The following CCNF variants were observed in gnomAD, a reference collection of about 807,000 sequenced individuals.
The protein encoded by CCNF is cyclin F, also known as cyclin-F.
A neutral mutation model predicts 85.4 loss-of-function variants in CCNF; 30 were observed. The observed-to-expected ratio is 0.35, with a 90% confidence interval of 0.26 to 0.48. CCNF has a LOEUF of 0.48. Ranked by LOEUF, CCNF falls within the 20% of genes least tolerant of loss-of-function variation. The pLI is 0.99. For synonymous variants in CCNF, 439 were observed against 425.1 expected (o/e 1.03, Z -0.40); for missense variants, 919 against 1,010.4 (o/e 0.91, Z 1.23).
chr16:2,437,596 GAC>G, intron 5 of CCNF: 2 of 412,578 alleles, frequency 4.8e-6, no homozygotes, highest in South Asian at 8.2e-5. Context: ...GGGAGCTCAA[GAC>G]ACAAATCTGG....
rs1406361014 is a variant in CCNF, at chr16:2,438,058, CT to C, written c.541-5del. ...GTGCTGGAAATCACACTTCTTTCTC[CT>C]TTTTTTAAAGACTCACAAAGCATCC... On this transcript the variant is annotated splice_polypyrimidine_tract_variant and intron_variant, in intron 5 of 16. Coordinates refer to ENST00000397066, the MANE Select transcript of CCNF (RefSeq NM_001761.3). The C allele has an allele frequency of 8.7e-6, 14 of 1,602,828 alleles. No individual in the cohort carries two copies. The highest frequency in any genetic ancestry group is 6.6e-5 in the South Asian group (6 of 90,864).
Position 2,458,468 on chromosome 16 carries a change from TCGAA to T in CCNF, c.*1450_*1453del, listed in dbSNP as rs2141835367. On this transcript the variant is annotated 3_prime_UTR_variant, in exon 17 of 17. Transcript: ENST00000397066. ...TTTCACCATGTTGGCCAGGCTAGTCTCGAACTCATGACCTCAAGTGATCCGCCCA... is the reference window on the plus strand; with the variant it reads ...TTTCACCATGTTGGCCAGGCTAGTCTCTCATGACCTCAAGTGATCCGCCCA... The T allele has an allele frequency of 6.6e-6, 1 of 152,268 alleles. No homozygotes were observed. Among genetic ancestry groups the T allele is most frequent in the South Asian group, 2.1e-4 (1 of 4,826 alleles). 9.4% of individuals were successfully genotyped at this position (152,268 alleles called of 1,614,324 possible). A position where few individuals can be genotyped will look rare whatever the true frequency, so the allele number is the denominator to read the frequency against.
rs1273802229 is a variant in CCNF, at chr16:2,431,280, G to C, written c.167G>C (p.Arg56Pro). The change falls in exon 2 of 17, where the codon CGA becomes CCA. Residue 56 changes from arginine to proline, a missense_variant. This residue lies in a region of CCNF where 410 missense variants were observed against 478.6 expected (regional missense o/e 0.86). Coordinates refer to ENST00000397066, the MANE Select transcript of CCNF (RefSeq NM_001761.3). ...TCTGTAGAGGACATCCTGGCCGTCC[G>C]AGCTGTAAGTCCCTGCATGAAAACA... ...WLSVEDILAV[R>P]AVHSQLKDLV... 2 of 1,613,976 alleles carry C rather than the reference G, an allele frequency of 1.2e-6. No individual in the cohort carries two copies. Among genetic ancestry groups the C allele is most frequent in the Non-Finnish European group, 1.7e-6 (2 of 1,179,964 alleles).
Position 2,433,047 on chromosome 16 carries a change from G to A in CCNF, c.258G>A (p.Gly86=), listed in dbSNP as rs2141813923. ...ASFQELWPSP[G]NLKLFERAAE... ...TCCAGGAGCTGTGGCCGTCTCCAGG[G>A]AACCTGAAGCTCTTTGAAAGGTATC... Residue 86 remains glycine, a synonymous_variant, in exon 3 of 17, where the codon GGG becomes GGA. Transcript: ENST00000397066. 1 of 1,609,650 alleles carries A rather than the reference G, an allele frequency of 6.2e-7. No homozygotes were observed. Among genetic ancestry groups the A allele is most frequent in the Non-Finnish European group, 8.5e-7 (1 of 1,176,648 alleles).
intron 8 of CCNF, among the ~76,000 whole-genome samples, chr16:2,442,957 A>G (rs1481675741): frequency 2.0e-5 from 2 of 100,206 alleles, no homozygotes; most frequent in Non-Finnish European, 1.8e-5. Context: ...TATATTATAT[A>G]TTTTTATATA....
chr16:2,430,502 G>A (rs1389668878), intron 1 of CCNF, among the ~76,000 whole-genome samples: 3 of 152,084 alleles, frequency 2.0e-5, no homozygotes, highest in Admixed American at 6.5e-5. Flanking sequence ...TACAGGTCTA[G>A]GTTTGTGTTG....
In CCNF at chr16:2,458,230, T is replaced by G. The variant is rs2065441557; in HGVS notation, c.*1210T>G. The G allele has an allele frequency of 6.6e-6, 1 of 150,980 alleles. No individual in the cohort carries two copies. The highest frequency in any genetic ancestry group is 6.6e-5 in the Admixed American group (1 of 15,142). The allele number at this position is 150,980 out of a possible 1,614,324, so 9.4% of individuals were successfully genotyped here. On this transcript the variant is annotated 3_prime_UTR_variant, in exon 17 of 17. Transcript: ENST00000397066. The stretch of plus-strand genomic sequence containing the variant: ...TCTGCAAATGTAAGAAAGAACCACT[T>G]GGCCAGAAGTGTCCCCCAGATGCTT...
intron 8 of CCNF, among the ~76,000 whole-genome samples, chr16:2,443,142 A>G (rs1393302279): frequency 1.5e-5 from 2 of 132,926 alleles, no homozygotes; most frequent in Admixed American, 9.1e-5. Context: ...TATGTTTTAT[A>G]TTGTATATAA....
At position 2,450,645 on chromosome 16, in the gene CCNF, G is replaced by C. The variant is rs576262298; in HGVS notation, c.1487+730G>C. ...AATGAGGGCATCTCCCTGACCCGTGGTAACTTGTGCGTGTTGTCAAGTTGT... is the reference window on the plus strand; with the variant it reads ...AATGAGGGCATCTCCCTGACCCGTGCTAACTTGTGCGTGTTGTCAAGTTGT... On this transcript the variant is annotated intron_variant, in intron 13 of 16. Coordinates refer to ENST00000397066, the MANE Select transcript of CCNF (RefSeq NM_001761.3). 1.1e-4 allele frequency among the ~76,000 whole-genome samples: 16 copies of C among 152,334 alleles called. 1 individual carries two copies. The South Asian group carries it at 3.3e-3, about 32-fold the overall frequency.
rs921598425 is a variant in CCNF at position 2,458,315 on chromosome 16, A to C, written c.*1295A>C. 6.9e-6 allele frequency: 1 copy of C among 144,710 alleles called. No individual in the cohort carries two copies. Among genetic ancestry groups the C allele is most frequent in the Non-Finnish European group, 1.5e-5 (1 of 67,306 alleles). The allele number at this position is 144,710 out of a possible 1,614,324, so 9.0% of individuals were successfully genotyped here. Reference sequence around the variant, plus strand: ...GTCTCCCCGGCTGGAGTGCAGTGGCATGATCTCAACTCTCAACTCACTGTA... The same window carrying C: ...GTCTCCCCGGCTGGAGTGCAGTGGCCTGATCTCAACTCTCAACTCACTGTA... On this transcript the variant is annotated 3_prime_UTR_variant, in exon 17 of 17. Transcript: ENST00000397066.
intron 10 of CCNF, among the ~76,000 whole-genome samples, chr16:2,447,191 A>G (rs2065366658): frequency 6.6e-6 from 1 of 152,088 alleles, no homozygotes; most frequent in East Asian, 1.9e-4. Context: ...GCTGAGTCCA[A>G]TTTCTTCCCC....
At position 2,449,426 on chromosome 16, in the gene CCNF, G is replaced by A. The variant is rs753790591; in HGVS notation, c.1363G>A (p.Ala455Thr). 7 of 1,609,020 alleles carry A rather than the reference G, an allele frequency of 4.4e-6. No homozygotes were observed. In the Admixed American group the frequency reaches 6.7e-5, roughly 15 times the overall value. The change falls in exon 12 of 17, where the codon GCA becomes ACA. Residue 455 changes from alanine (A) to threonine (T), a missense_variant. Coordinates refer to ENST00000397066, the MANE Select transcript of CCNF (RefSeq NM_001761.3). Reference protein sequence around the residue: ...SAYAPARLAAAALLLARLTHG... With the variant: ...SAYAPARLAATALLLARLTHG... ...CTACGCCCCAGCCCGCCTGGCTGCC[G>A]CAGCCCTGCTCCTGGCCAGACTGAC...
chr16:2,445,638 G>A lies in CCNF; in HGVS notation c.1094+16G>A. ...TCTGCACCCGGTGAGAAGCCCCCTT[G>A]GCCCAGCTGGCAGGGACGTGCTGGC... On this transcript the variant is annotated intron_variant, in intron 10 of 16. Coordinates refer to ENST00000397066, the MANE Select transcript of CCNF (RefSeq NM_001761.3). 6.2e-7 allele frequency: 1 copy of A among 1,607,836 alleles called. No individual in the cohort carries two copies. Among genetic ancestry groups the A allele is most frequent in the South Asian group, 1.1e-5 (1 of 90,888 alleles).
rs762508687 is a variant in CCNF, at chr16:2,449,798, C to CCTCCATCCT, written c.1400-25_1400-24insTCCTCTCCA. 237 of 1,422,020 alleles carry CCTCCATCCT rather than the reference C, an allele frequency of 1.7e-4. 3 individuals are homozygous for CCTCCATCCT. Among genetic ancestry groups the CCTCCATCCT allele is most frequent in the South Asian group, 6.3e-4 (55 of 86,994 alleles). The allele number at this position is 1,422,020 out of a possible 1,614,324, so 88.1% of individuals were successfully genotyped here. On this transcript the variant is annotated intron_variant, in intron 12 of 16. Coordinates refer to ENST00000397066, the MANE Select transcript of CCNF (RefSeq NM_001761.3). ...TCCATCCCCTCCGTCCCCTCCATCC[C>CCTCCATCCT]CTCCACCCCTGGCCTGCTTTCCTCC...
chr16:2,435,422 A>AT (rs919033833), intron 3 of CCNF, among the ~76,000 whole-genome samples: 1 of 59,428 alleles, frequency 1.7e-5, no homozygotes, highest in Non-Finnish European at 2.8e-5. Flanking sequence ...AGAAAAGAAA[A>AT]TATTTTTTTT....
chr16:2,441,937 T>TTATATATATATATA (rs55737759), intron 8 of CCNF, among the ~76,000 whole-genome samples: 20 of 60,142 alleles, frequency 3.3e-4, no homozygotes, highest in East Asian at 9.2e-4. Flanking sequence ...TATTAGCAAA[T>TTATATATATATATA]TATATATATA....
Position 2,451,556 on chromosome 16 carries a change from G to C in CCNF, c.1487+1641G>C, listed in dbSNP as rs992853553. Among the ~76,000 whole-genome samples, 1 of 152,154 alleles carries C rather than the reference G, an allele frequency of 6.6e-6. No individual in the cohort carries two copies. The highest frequency in any genetic ancestry group is 2.1e-4 in the South Asian group (1 of 4,822). On this transcript the variant is annotated intron_variant, in intron 13 of 16. Coordinates refer to ENST00000397066, the MANE Select transcript of CCNF (RefSeq NM_001761.3). The surrounding 1 kb of genome is among the most constrained non-coding windows in gnomAD (Gnocchi z 4.3). ...CTCAGCCAAATCCAGCAGACTCAGC[G>C]GTGTGGGCTTTTTTTTCCTTTTTTG...
chr16:2,432,888 C>G, intron 2 of CCNF, 73 bp from the exon 3 acceptor site: 1 of 868,522 alleles, frequency 1.2e-6, no homozygotes, highest in Non-Finnish European at 1.9e-6. Context: ...GCCTCTCGTC[C>G]TCAAGAGCCT....
At chr16:2,438,414 G>A (rs556264911) in intron 6 of CCNF, among the ~76,000 whole-genome samples, 2 of 152,266 alleles carry the variant, frequency 1.3e-5, no homozygotes, top group East Asian at 1.9e-4. Context: ...CCTGCTCCTC[G>A]TGGGCCTCTC....
Sources: gnomAD v4.1 joint callset for allele counts (sites outside exome capture counted in the v4.1 genomes callset) on GRCh38, gnomAD v4.1.1 for gene constraint, gnomAD v4.1.1 regional missense constraint, Gnocchi (gnomAD v3.1) non-coding constraint, MANE v1.5 for transcripts, NCBI Gene and HGNC (gene_info 2026-07-23, HGNC 2026-07-21) for gene names.